The following TDRD9 variants were observed in gnomAD, a reference collection of about 807,000 sequenced individuals.
TDRD9 encodes tudor domain containing 9.
TDRD9 carries 124 observed loss-of-function variants against 172.6 expected under a neutral mutation model. The ratio of observed to expected loss-of-function variants is 0.72; its 90% CI spans 0.62 to 0.83. TDRD9 has a LOEUF of 0.83. TDRD9 is among the 40% of genes least tolerant of loss of function. The pLI is 0.00. For missense variants in TDRD9, 1,479 were observed against 1,714.1 expected, an observed-to-expected ratio of 0.86 and a Z score of 2.42; for synonymous variants, 619 against 617.1, an observed-to-expected ratio of 1.00 and a Z score of -0.05.
chr14:103,969,388 G>A (rs2032921111), intron 5 of TDRD9, among the ~76,000 whole-genome samples: 1 of 152,100 alleles, frequency 6.6e-6, no homozygotes. Context: ...AGCTCACTTT[G>A]GGGCTTTTTG....
rs68192057 is a variant in TDRD9 at position 103,952,729 on chromosome 14, CTTTTTTTTT to C, written c.216-2917_216-2909del. ...TTAGTGATTTATAGGAATTCTCTCT[CTTTTTTTTT>C]TTTTTTTTTTTTTTTTTAAAGACAG... is the stretch of plus-strand genomic sequence containing the variant. On this transcript the variant is annotated intron_variant, in intron 1 of 35. Coordinates refer to ENST00000409874, the MANE Select transcript of TDRD9 (RefSeq NM_153046.3). Among the ~76,000 whole-genome samples the C allele has an allele frequency of 2.4e-3, 175 of 72,320 alleles. 1 individual carries two copies. The highest frequency in any genetic ancestry group is 8.8e-3 in the African/African-American group (147 of 16,690). The allele number at this position is 72,320 out of a possible 152,430, so 47.4% of individuals were successfully genotyped here. A position where few individuals can be genotyped will look rare whatever the true frequency, so the allele number is the denominator to read the frequency against.
chr14:104,005,856 A>G (rs1184118987), intron 15 of TDRD9, among the ~76,000 whole-genome samples: 2 of 152,158 alleles, frequency 1.3e-5, no homozygotes, highest in Non-Finnish European at 2.9e-5. Context: ...TCTGTTGCCT[A>G]GGCTGGAGCG....
intron 23 of TDRD9, among the ~76,000 whole-genome samples, chr14:104,020,636 C>T (rs1430948989): frequency 6.6e-6 from 1 of 152,074 alleles, no homozygotes; most frequent in Non-Finnish European, 1.5e-5. Flanking sequence ...GCGGAGGAGG[C>T]GGAGCGGGTC....
At chr14:104,019,319 T>G (rs560362384) in intron 23 of TDRD9, among the ~76,000 whole-genome samples, 1 of 152,270 alleles carries the variant, frequency 6.6e-6, no homozygotes, top group African/African-American at 2.4e-5. Flanking sequence ...GGTTCTGTGT[T>G]TGTTGCCTGT....
intron 30 of TDRD9, among the ~76,000 whole-genome samples, chr14:104,033,676 C>T (rs1245575610): frequency 1.3e-5 from 2 of 151,948 alleles, no homozygotes; most frequent in African/African-American, 4.8e-5. Flanking sequence ...GGTGGAGGTT[C>T]GGGCATCCCC....
At chr14:103,945,909 A>G (rs897913110) in intron 1 of TDRD9, among the ~76,000 whole-genome samples, 3 of 152,102 alleles carry the variant, frequency 2.0e-5, no homozygotes, top group African/African-American at 4.8e-5. Flanking sequence ...ATAGTATTCA[A>G]CAGCACTTGA....
chr14:103,936,685 C>G (rs143816077), intron 1 of TDRD9, among the ~76,000 whole-genome samples: 1 of 152,346 alleles, frequency 6.6e-6, no homozygotes, highest in East Asian at 1.9e-4. Flanking sequence ...TCATCTCTTG[C>G]CTGGATTATT....
rs564468643 is a variant in TDRD9 at position 104,034,542 on chromosome 14, A to G, written c.3620-418A>G. ...TGACTGCTTTGGCTGGTGCGAGGTT[A>G]CGCGGTGGAGCATTCTCACTTTTCC... On this transcript the variant is annotated intron_variant, in intron 31 of 35. Transcript: ENST00000409874. Among the ~76,000 whole-genome samples, 32 of 152,312 alleles carry G rather than the reference A, an allele frequency of 2.1e-4. No individual in the cohort carries two copies. In the South Asian group the frequency reaches 2.7e-3, roughly 13 times the overall value.
Position 103,975,490 on chromosome 14 carries a change from A to T in TDRD9, c.948A>T (p.Glu316Asp). The part of the protein sequence containing the change: ...KMNPAYIFEV[E>D]GKPHSVEEYY... ...ATCCTGCATATATTTTTGAAGTGGAAGGCAAGCCCCATTCAGTTGAAGAGT... is the reference window on the plus strand; with the variant it reads ...ATCCTGCATATATTTTTGAAGTGGATGGCAAGCCCCATTCAGTTGAAGAGT... Residue 316 changes from glutamate (E) to aspartate (D), a missense_variant, in exon 7 of 36, where the codon GAA (glutamate) becomes GAT (aspartate). This residue lies in a region of TDRD9 where 1,413 missense variants were observed against 1,649.1 expected (regional missense o/e 0.86). Transcript: ENST00000409874. 1.9e-6 allele frequency: 3 copies of T among 1,613,814 alleles called. No homozygotes were observed. Among genetic ancestry groups the T allele is most frequent in the Non-Finnish European group, 2.5e-6 (3 of 1,179,800 alleles).
chr14:103,933,349 C>T (rs904271434), intron 1 of TDRD9, among the ~76,000 whole-genome samples: 2 of 152,158 alleles, frequency 1.3e-5, no homozygotes, highest in African/African-American at 2.4e-5. Context: ...TGCTTTCTGC[C>T]GTGTACTTTC....
At chr14:104,014,489 C>A (rs568757701) in intron 20 of TDRD9, among the ~76,000 whole-genome samples, 1 of 151,930 alleles carries the variant, frequency 6.6e-6, no homozygotes, top group Non-Finnish European at 1.5e-5. Context: ...CCATGTTGCC[C>A]GGGCTGGTTT....
At chr14:103,938,430 ATATATATATATTTTT>A (rs2030934886) in intron 1 of TDRD9, among the ~76,000 whole-genome samples, 1 of 39,930 alleles carries the variant, frequency 2.5e-5, no homozygotes, top group Non-Finnish European at 4.4e-5. Context: ...ATATATATAT[ATATATATATATTTTT>A]TTTTTTTTTT....
intron 33 of TDRD9, 57 bp downstream of exon 33, chr14:104,040,391 C>T: frequency 6.9e-7 from 1 of 1,458,870 alleles, no homozygotes; most frequent in Non-Finnish European, 9.1e-7. Flanking sequence ...GTTTTGCTTA[C>T]CTGACAGTGA....
At chr14:104,047,703 G>C (rs1393383404) in intron 34 of TDRD9, among the ~76,000 whole-genome samples, 1 of 152,122 alleles carries the variant, frequency 6.6e-6, no homozygotes, top group Non-Finnish European at 1.5e-5. Context: ...CTCTTCTTCA[G>C]TCTCTTTCCT....
chr14:103,946,757 G>A (rs2031580812), intron 1 of TDRD9, among the ~76,000 whole-genome samples: 1 of 152,034 alleles, frequency 6.6e-6, no homozygotes. Flanking sequence ...CCCTAACAAT[G>A]AACAATCTAA....
At chr14:103,971,494 A>G (rs1185279287) in intron 6 of TDRD9, among the ~76,000 whole-genome samples, 2 of 151,628 alleles carry the variant, frequency 1.3e-5, no homozygotes, top group Non-Finnish European at 2.9e-5. Flanking sequence ...AGTTTTTGGT[A>G]TAGATGGGGT....
intron 32 of TDRD9, among the ~76,000 whole-genome samples, chr14:104,035,770 A>T (rs1181289743): frequency 6.6e-6 from 1 of 152,130 alleles, no homozygotes; most frequent in Admixed American, 6.5e-5. Context: ...CCATGACGAG[A>T]TTGCAGTAGA....
intron 28 of TDRD9, among the ~76,000 whole-genome samples, chr14:104,028,856 A>G (rs921195308): frequency 1.3e-5 from 2 of 152,156 alleles, no homozygotes; most frequent in Non-Finnish European, 2.9e-5. Flanking sequence ...TGATTTTTGT[A>G]TATGTCAAGA....
chr14:103,994,814 G>A (rs1195750345), intron 11 of TDRD9, among the ~76,000 whole-genome samples: 5 of 152,104 alleles, frequency 3.3e-5, no homozygotes, highest in African/African-American at 7.2e-5. Context: ...AATTACCTGA[G>A]TGCAGTGGCA....
Sources: gnomAD v4.1 joint callset for allele counts (sites outside exome capture counted in the v4.1 genomes callset) on GRCh38, gnomAD v4.1.1 for gene constraint, gnomAD v4.1.1 regional missense constraint, MANE v1.5 for transcripts, NCBI Gene and HGNC (gene_info 2026-07-23, HGNC 2026-07-21) for gene names.